Variants in SLC8A3 observed in about 807,000 individuals in gnomAD.
The protein encoded by SLC8A3 is sodium/calcium exchanger 3.
Under a neutral mutation model 65.4 loss-of-function variants are expected in SLC8A3, and 37 were observed. That is an observed-to-expected ratio of 0.57 (90% CI 0.44 to 0.74). SLC8A3 has a LOEUF of 0.74. SLC8A3 is among the 30% of genes least tolerant of loss of function. The pLI, the probability that SLC8A3 is intolerant of heterozygous loss-of-function variation, is 0.00. For synonymous variants in SLC8A3, 461 were observed against 444.5 expected, an observed-to-expected ratio of 1.04 and a Z score of -0.47; for missense variants, 1,112 against 1,172.1, an observed-to-expected ratio of 0.95 and a Z score of 0.75.
At chr14:70,089,930 T>C (rs1469430592) in intron 2 of SLC8A3, among the ~76,000 whole-genome samples, 1 of 152,198 alleles carries the variant, frequency 6.6e-6, no homozygotes, top group Non-Finnish European at 1.5e-5. Context: ...ATCCAGGTAA[T>C]TCAGGTATAA....
At chr14:70,126,570 T>A (rs1364962) in intron 2 of SLC8A3, among the ~76,000 whole-genome samples, 14,387 of 117,108 alleles carry the variant, frequency 0.12, 1,075 homozygotes, top group Non-Finnish European at 0.18. Context: ...TCTCTCTCTC[T>A]CACACACACA....
At chr14:70,129,197 AGT>A (rs1202986964) in intron 2 of SLC8A3, among the ~76,000 whole-genome samples, 1 of 152,204 alleles carries the variant, frequency 6.6e-6, no homozygotes, top group Non-Finnish European at 1.5e-5. Context: ...GGAGGAAGAG[AGT>A]GTAACAGCAT....
chr14:70,080,038 A>G, intron 2 of SLC8A3: 1 of 950,136 alleles, frequency 1.1e-6, no homozygotes, highest in Non-Finnish European at 1.3e-6. Flanking sequence ...TGCGGGTGAC[A>G]TGAGAAAGCA....
At chr14:70,063,766 A>G in intron 2 of SLC8A3, 1 of 964,736 alleles carries the variant, frequency 1.0e-6, no homozygotes, top group Non-Finnish European at 1.6e-6. Context: ...TTGGAGAGGA[A>G]GAAACAGAAG....
chr14:70,136,338 G>T (rs189139726), intron 2 of SLC8A3, among the ~76,000 whole-genome samples: 74 of 152,272 alleles, frequency 4.9e-4, no homozygotes, highest in African/African-American at 1.7e-3. Flanking sequence ...ATACATTTTT[G>T]TTGTTTTACG....
rs778929626 is a variant in SLC8A3 at position 70,168,083 on chromosome 14, T to C, written c.340A>G (p.Ile114Val). Residue 114 changes from isoleucine to valine, a missense_variant, in exon 2 of 7, where the codon ATT becomes GTT. Physicochemically the swap from Ile to Val is conservative, Grantham distance 29. Coordinates refer to ENST00000356921, the MANE Select transcript of SLC8A3 (RefSeq NM_182932.3). ...CTGGTTTCTCCATTGGGTTTCTTAA[T>C]TGTCACCTCCCTCTCTTGAGAGGTG... ...VITSQEREVT[I>V]KKPNGETSTT... 1 of 1,614,152 alleles carries C rather than the reference T, an allele frequency of 6.2e-7. No individual in the cohort carries two copies. The highest frequency in any genetic ancestry group is 1.1e-5 in the South Asian group (1 of 91,080).
intron 6 of SLC8A3, 94 bp downstream of exon 6, chr14:70,048,673 T>A: frequency 9.0e-7 from 1 of 1,107,218 alleles, no homozygotes; most frequent in Non-Finnish European, 1.3e-6. Context: ...TAAGTTCAGA[T>A]CTGAGATGGT....
At chr14:70,104,538 T>A (rs1892733308) in intron 2 of SLC8A3, among the ~76,000 whole-genome samples, 2 of 152,166 alleles carry the variant, frequency 1.3e-5, no homozygotes, top group South Asian at 2.1e-4. Flanking sequence ...GCTGGTAATA[T>A]TCTTATCTTC....
intron 2 of SLC8A3, among the ~76,000 whole-genome samples, chr14:70,084,450 T>C (rs1891279870): frequency 6.6e-6 from 1 of 152,240 alleles, no homozygotes; most frequent in South Asian, 2.1e-4. Flanking sequence ...TGGTCATTAT[T>C]CAGCCAAGCT....
At chr14:70,048,529 G>A (rs984514461) in intron 6 of SLC8A3, 5 of 632,132 alleles carry the variant, frequency 7.9e-6, no homozygotes, top group Non-Finnish European at 1.4e-5. Context: ...GGGGGAAAAT[G>A]TAAATGTGTA....
Position 70,166,828 on chromosome 14 carries a change from A to C in SLC8A3, c.1595T>G (p.Phe532Cys). The C allele has an allele frequency of 6.2e-7, 1 of 1,614,200 alleles. No individual in the cohort carries two copies. The highest frequency in any genetic ancestry group is 8.5e-7 in the Non-Finnish European group (1 of 1,180,012). The change falls in exon 2 of 7, where the codon TTC becomes TGC. Residue 532 changes from phenylalanine to cysteine, a missense_variant. By Grantham distance (205) the Phe-to-Cys change is radical. Transcript: ENST00000356921. ...ATGAATAGTATCACATTCAAAAGTG[A>C]AGATGCCTGCATGGTCATCATCCAA... Reference protein sequence around the residue: ...TILDDDHAGIFTFECDTIHVS... With the variant: ...TILDDDHAGICTFECDTIHVS...
At chr14:70,175,414 T>G (rs901313861) in intron 1 of SLC8A3, among the ~76,000 whole-genome samples, 2 of 152,170 alleles carry the variant, frequency 1.3e-5, no homozygotes, top group South Asian at 2.1e-4. Flanking sequence ...CTATGAAACT[T>G]GGTGTGTCAA....
chr14:70,045,732 T>C lies in SLC8A3; in HGVS notation c.*215A>G, dbSNP rs1013327658. On this transcript the variant is annotated 3_prime_UTR_variant, in exon 7 of 7. Transcript: ENST00000356921. ...TGTTGCTTGTTTGTATTCAATTAAA[T>C]ACTGTGTAAAGTCGGTGATTCCTCC... is the stretch of plus-strand genomic sequence containing the variant. 2 of 475,440 alleles carry C rather than the reference T, an allele frequency of 4.2e-6. No homozygotes were observed. Among genetic ancestry groups the C allele is most frequent in the Non-Finnish European group, 3.8e-6 (1 of 266,412 alleles). The allele number at this position is 475,440 out of a possible 1,614,324, so 29.5% of individuals were successfully genotyped here.
chr14:70,091,035 T>C (rs999797605), intron 2 of SLC8A3, among the ~76,000 whole-genome samples: 5 of 152,166 alleles, frequency 3.3e-5, no homozygotes, highest in African/African-American at 1.2e-4. Flanking sequence ...AGATCAATTA[T>C]TGATGGATGA....
At chr14:70,125,160 G>T (rs561412246) in intron 2 of SLC8A3, among the ~76,000 whole-genome samples, 16 of 152,258 alleles carry the variant, frequency 1.1e-4, no homozygotes, top group African/African-American at 3.9e-4. Context: ...CAGCCCTAAG[G>T]AGCTTTTATT....
intron 3 of SLC8A3, chr14:70,059,514 A>T (rs1326307515): frequency 6.6e-6 from 1 of 152,200 alleles, no homozygotes. Flanking sequence ...CTATGCCTCC[A>T]AATGATTGGA....
chr14:70,075,887 A>G (rs1184247703), intron 2 of SLC8A3, among the ~76,000 whole-genome samples: 2 of 152,134 alleles, frequency 1.3e-5, no homozygotes, highest in African/African-American at 2.4e-5. Context: ...ATAAAACACA[A>G]TGAGGTGCCC....
chr14:70,045,902 AG>A lies in SLC8A3; in HGVS notation c.*44del. The A allele has an allele frequency of 6.6e-7, 1 of 1,507,494 alleles. No homozygotes were observed. 93.4% of individuals were successfully genotyped at this position (1,507,494 alleles called of 1,614,324 possible). ...ACTGGTGGGGAAGTGCCCTTCTCTT[AG>A]GAGAAGTCCTAGGCCTGCCCTGCTG... On this transcript the variant is annotated 3_prime_UTR_variant, in exon 7 of 7. Transcript: ENST00000356921.
In SLC8A3 at chr14:70,086,653, C is replaced by G. The variant is rs935221465; in HGVS notation, c.1785-25714G>C. Among the ~76,000 whole-genome samples, 3 of 152,150 alleles carry G rather than the reference C, an allele frequency of 2.0e-5. No homozygotes were observed. The East Asian group carries it at 5.8e-4, about 29-fold the overall frequency. ...TCCTGATCTCAAGTGGTCTGCCCCC[C>G]TCAGCCTCCCAAAGTGCTGAGCCAC... is the stretch of plus-strand genomic sequence containing the variant. On this transcript the variant is annotated intron_variant, in intron 2 of 6. Coordinates refer to ENST00000356921, the MANE Select transcript of SLC8A3 (RefSeq NM_182932.3).
Sources: allele counts gnomAD v4.1 joint callset (sites outside exome capture counted in the v4.1 genomes callset), GRCh38; gene constraint gnomAD v4.1.1; transcripts MANE v1.5; gene names NCBI Gene and HGNC (gene_info 2026-07-23, HGNC 2026-07-21).